ERBB4: variants seen among roughly 807,000 people sequenced by gnomAD.
ERBB4 encodes receptor tyrosine-protein kinase erbB-4.
In ERBB4, 42 loss-of-function variants were observed where a neutral mutation model predicts 158.0. The ratio of observed to expected loss-of-function variants is 0.27; its 90% confidence interval spans 0.21 to 0.34. ERBB4 has a LOEUF of 0.34. Ranked by LOEUF, ERBB4 falls within the 10% of genes least tolerant of loss-of-function variation. The pLI, the probability that ERBB4 is intolerant of heterozygous loss-of-function variation, is 1.00. For missense variants in ERBB4, 1,333 were observed against 1,624.1 expected, an observed-to-expected ratio of 0.82 and a Z score of 3.08; for synonymous variants, 583 against 558.7, an observed-to-expected ratio of 1.04 and a Z score of -0.61.
chr2:211,454,066 G>A (rs994614496), intron 20 of ERBB4, among the ~76,000 whole-genome samples: 2 of 152,104 alleles, frequency 1.3e-5, no homozygotes, highest in Non-Finnish European at 2.9e-5. Context: ...CCCCAGATAC[G>A]TAGCTATAAT....
At chr2:211,899,804 T>C (rs2079187422) in intron 3 of ERBB4, among the ~76,000 whole-genome samples, 1 of 152,290 alleles carries the variant, frequency 6.6e-6, no homozygotes, top group East Asian at 1.9e-4. Flanking sequence ...TCCCTAAGCA[T>C]AGTAATTTGA....
chr2:211,465,371 A>C (rs1420788466), intron 20 of ERBB4, among the ~76,000 whole-genome samples: 1 of 150,548 alleles, frequency 6.6e-6, no homozygotes, highest in Non-Finnish European at 1.5e-5. Flanking sequence ...TTACTGTTTT[A>C]AGACCTAAGT....
At chr2:211,486,720 C>G (rs1428352808) in intron 20 of ERBB4, among the ~76,000 whole-genome samples, 1 of 152,224 alleles carries the variant, frequency 6.6e-6, no homozygotes, top group East Asian at 1.9e-4. Context: ...TCTTACTCCA[C>G]ATTACATCCA....
intron 1 of ERBB4, among the ~76,000 whole-genome samples, chr2:212,365,324 G>A (rs1216006492): frequency 6.6e-6 from 1 of 151,432 alleles, no homozygotes; most frequent in South Asian, 2.1e-4. Context: ...AGTTGTTTTG[G>A]AATAATATAT....
At chr2:212,447,558 C>T (rs2092380110) in intron 1 of ERBB4, among the ~76,000 whole-genome samples, 1 of 152,070 alleles carries the variant, frequency 6.6e-6, no homozygotes, top group Admixed American at 6.5e-5. Context: ...AGTTAGTGTC[C>T]ATCCTGAACA....
chr2:212,412,883 C>T (rs1435101135), intron 1 of ERBB4, among the ~76,000 whole-genome samples: 1 of 152,160 alleles, frequency 6.6e-6, no homozygotes, highest in Non-Finnish European at 1.5e-5. Context: ...CCCAAGTTTG[C>T]TAATCTACAT....
intron 1 of ERBB4, among the ~76,000 whole-genome samples, chr2:212,476,156 C>CACACACAT (rs200805009): frequency 0.04 from 5,203 of 131,048 alleles, 176 homozygotes; most frequent in African/African-American, 0.13. Context: ...CTCTCTGTCA[C>CACACACAT]ACACACACAC....
Position 211,893,413 on chromosome 2 carries a change from G to T in ERBB4, c.421+54017C>A, listed in dbSNP as rs1273809847. ...ACACTTTATACAAAAATCAATTCAA[G>T]ATGGATTAAAGATTTAAACGTTAGA... On this transcript the variant is annotated intron_variant, in intron 3 of 27. Coordinates refer to ENST00000342788, the MANE Select transcript of ERBB4 (RefSeq NM_005235.3). Among the ~76,000 whole-genome samples, 3 of 141,640 alleles carry T rather than the reference G, an allele frequency of 2.1e-5. No homozygotes were observed. In the South Asian group the frequency reaches 6.4e-4, roughly 30 times the overall value. The allele number at this position is 141,640 out of a possible 152,430, so 92.9% of individuals were successfully genotyped here. A position where few individuals can be genotyped will look rare whatever the true frequency, so the allele number is the denominator to read the frequency against.
At chr2:212,052,415 G>A (rs570374893) in intron 2 of ERBB4, among the ~76,000 whole-genome samples, 1 of 152,216 alleles carries the variant, frequency 6.6e-6, no homozygotes, top group African/African-American at 2.4e-5. Context: ...TTCACCTTGT[G>A]ATCCTGTGAG....
chr2:212,464,655 A>G (rs1688738977), intron 1 of ERBB4, among the ~76,000 whole-genome samples: 1 of 152,088 alleles, frequency 6.6e-6, no homozygotes, highest in Non-Finnish European at 1.5e-5. Context: ...CTAGAAGTAC[A>G]TTATATATTT....
chr2:212,486,517 C>T (rs973721378), intron 1 of ERBB4, among the ~76,000 whole-genome samples: 7 of 152,162 alleles, frequency 4.6e-5, no homozygotes, highest in African/African-American at 1.4e-4. Flanking sequence ...GTTTGCCCCA[C>T]ACTTCAGGGA....
intron 20 of ERBB4, among the ~76,000 whole-genome samples, chr2:211,474,302 T>A (rs894637139): frequency 2.0e-5 from 3 of 152,004 alleles, no homozygotes; most frequent in Non-Finnish European, 2.9e-5. Context: ...AATACCTATG[T>A]TCTAAACATT....
At chr2:211,578,554 T>C (rs545502121) in intron 19 of ERBB4, among the ~76,000 whole-genome samples, 2 of 152,254 alleles carry the variant, frequency 1.3e-5, no homozygotes, top group East Asian at 1.9e-4. Context: ...CTTCAAACTA[T>C]ATTACAAGGC....
chr2:212,375,592 G>T (rs2090291941), intron 1 of ERBB4, among the ~76,000 whole-genome samples: 1 of 152,040 alleles, frequency 6.6e-6, no homozygotes, highest in Non-Finnish European at 1.5e-5. Context: ...GTTCTTAGAA[G>T]AATGCAGCCT....
At chr2:211,931,390 A>C (rs1193585722) in intron 3 of ERBB4, among the ~76,000 whole-genome samples, 1 of 152,070 alleles carries the variant, frequency 6.6e-6, no homozygotes, top group East Asian at 1.9e-4. Flanking sequence ...AGGTCCCTAG[A>C]TATGCACATA....
intron 2 of ERBB4, among the ~76,000 whole-genome samples, chr2:212,044,472 G>A (rs550283336): frequency 1.6e-4 from 25 of 152,074 alleles, no homozygotes; most frequent in African/African-American, 2.6e-4. Flanking sequence ...AACAGATTTC[G>A]TATCAGAGTT....
At chr2:211,824,663 C>T (rs992144226) in intron 3 of ERBB4, among the ~76,000 whole-genome samples, 2 of 144,258 alleles carry the variant, frequency 1.4e-5, no homozygotes, top group African/African-American at 5.1e-5. Flanking sequence ...TATATATTTA[C>T]AATAGAAAAG....
intron 1 of ERBB4, among the ~76,000 whole-genome samples, chr2:212,496,291 AAACAAAAAAAC>A (rs1690566447): frequency 6.6e-6 from 1 of 151,860 alleles, no homozygotes; most frequent in Non-Finnish European, 1.5e-5. Context: ...TAAAAAAAAA[AAACAAAAAAAC>A]AGACATACAT....
At chr2:212,417,892 A>G (rs2091694502) in intron 1 of ERBB4, among the ~76,000 whole-genome samples, 1 of 152,008 alleles carries the variant, frequency 6.6e-6, no homozygotes, top group South Asian at 2.1e-4. Flanking sequence ...CCCATGGGAT[A>G]GTATTAAGAG....
Sources: allele counts gnomAD v4.1 joint callset (sites outside exome capture counted in the v4.1 genomes callset), GRCh38; gene constraint gnomAD v4.1.1; transcripts MANE v1.5; gene names NCBI Gene and HGNC (gene_info 2026-07-23, HGNC 2026-07-21).